Variants in ZNF486 observed in about 807,000 individuals in gnomAD.
ZNF486 encodes the protein zinc finger protein 486.
In ZNF486, 12 loss-of-function variants were observed where a neutral mutation model predicts 12.8. The observed-to-expected ratio is 0.94, with a 90% confidence interval of 0.60 to 1.52. The LOEUF (loss-of-function observed/expected upper bound fraction) is 1.52, where lower values mean the gene tolerates loss of function less well. Among genes scored for constraint, ZNF486 ranks in the 40% most tolerant of loss-of-function variants. The pLI, the probability that ZNF486 is intolerant of heterozygous loss-of-function variation, is 0.00. For synonymous variants in ZNF486, 231 were observed against 184.9 expected, an observed-to-expected ratio of 1.25 and a Z score of -2.02; for missense variants, 738 against 545.0, an observed-to-expected ratio of 1.35 and a Z score of -3.53.
intron 1 of ZNF486, among the ~76,000 whole-genome samples, chr19:20,174,836 C>G (rs573390903): frequency 6.6e-6 from 1 of 152,120 alleles, no homozygotes; most frequent in Non-Finnish European, 1.5e-5. Flanking sequence ...TATATTATGA[C>G]TAGTGAGTAA....
At position 20,190,654 on chromosome 19, in the gene ZNF486, G is replaced by C. The variant is rs527477108; in HGVS notation, c.253+4572G>C. Among the ~76,000 whole-genome samples, 7 of 152,284 alleles carry C rather than the reference G, an allele frequency of 4.6e-5. No individual in the cohort carries two copies. In the East Asian group the frequency reaches 7.7e-4, roughly 17 times the overall value. On this transcript the variant is annotated intron_variant, in intron 3 of 3. Coordinates refer to ENST00000335117, the MANE Select transcript of ZNF486 (RefSeq NM_052852.4). Reference sequence around the variant, plus strand: ...CTTACCTAGGTCTCCCAAAGTGTTAGGGTTATAGGCAAGAGCCACTGCACC... The same window carrying C: ...CTTACCTAGGTCTCCCAAAGTGTTACGGTTATAGGCAAGAGCCACTGCACC...
intron 1 of ZNF486, among the ~76,000 whole-genome samples, chr19:20,181,306 A>G (rs982952347): frequency 4.6e-5 from 7 of 152,134 alleles, no homozygotes; most frequent in South Asian, 2.1e-4. Context: ...TTGGGAGGCC[A>G]AGGCGGGCAG....
intron 1 of ZNF486, among the ~76,000 whole-genome samples, chr19:20,179,813 G>C (rs564709709): frequency 6.6e-6 from 1 of 152,344 alleles, no homozygotes; most frequent in African/African-American, 2.4e-5. Context: ...GAGGCTCCAG[G>C]AGGAAATAGA....
chr19:20,167,390 A>T, intron 1 of ZNF486, 30 bp downstream of exon 1: 1 of 1,610,588 alleles, frequency 6.2e-7, no homozygotes, highest in Non-Finnish European at 8.5e-7. Flanking sequence ...ATCCTGAGAG[A>T]GGGGAGGGAC....
Position 20,197,842 on chromosome 19 carries a change from T to A in ZNF486, c.1132T>A (p.Tyr378Asn), listed in dbSNP as rs375607146. ...HKIIHTGEKP[Y>N]KCEECGKAFT... ...GATAATTCATACTGGAGAGAAACCA[T>A]ACAAATGTGAAGAATGTGGCAAAGC... The change falls in exon 4 of 4, where the codon TAC becomes AAC. Residue 378 changes from tyrosine (Y) to asparagine (N), a missense_variant. Transcript: ENST00000335117. The A allele has an allele frequency of 6.2e-7, 1 of 1,613,320 alleles. No individual in the cohort carries two copies. Among genetic ancestry groups the A allele is most frequent in the Non-Finnish European group, 8.5e-7 (1 of 1,179,940 alleles).
chr19:20,193,041 CT>C lies in ZNF486; in HGVS notation c.254-3918del, dbSNP rs546840630. ...ATTTTGTACTGGCATGCTTTCATTACTTTTTATCTTCTTTTGCATACTTTCT... is the reference window on the plus strand; with the variant it reads ...ATTTTGTACTGGCATGCTTTCATTACTTTTATCTTCTTTTGCATACTTTCT... On this transcript the variant is annotated intron_variant, in intron 3 of 3. Transcript: ENST00000335117. 2.0e-5 allele frequency among the ~76,000 whole-genome samples: 3 copies of C among 150,620 alleles called. No homozygotes were observed. The South Asian group carries it at 6.3e-4, about 31-fold the overall frequency.
chr19:20,198,869 G>C lies in ZNF486; in HGVS notation c.*767G>C, dbSNP rs1555718516. On this transcript the variant is annotated 3_prime_UTR_variant, in exon 4 of 4. Transcript: ENST00000335117. ...ACATGGCGATAATTCATGGTGAAGAGGAACTTTACAAACCTGAAAGATGTG... is the reference window on the plus strand; with the variant it reads ...ACATGGCGATAATTCATGGTGAAGACGAACTTTACAAACCTGAAAGATGTG... 1 of 152,396 alleles carries C rather than the reference G, an allele frequency of 6.6e-6. No individual in the cohort carries two copies. Among genetic ancestry groups the C allele is most frequent in the Non-Finnish European group, 1.5e-5 (1 of 68,038 alleles). The allele number at this position is 152,396 out of a possible 1,614,324, so 9.4% of individuals were successfully genotyped here.
chr19:20,169,469 C>T (rs782341226), intron 1 of ZNF486, among the ~76,000 whole-genome samples: 4 of 152,132 alleles, frequency 2.6e-5, no homozygotes, highest in African/African-American at 4.8e-5. Flanking sequence ...GCAGATGTCC[C>T]AGCCTGCTCA....
At chr19:20,195,460 C>G (rs1443555935) in intron 3 of ZNF486, among the ~76,000 whole-genome samples, 1 of 152,148 alleles carries the variant, frequency 6.6e-6, no homozygotes, top group Non-Finnish European at 1.5e-5. Flanking sequence ...GAGCCACCAA[C>G]AGTGGGATGT....
rs534268787 is a variant in ZNF486, at chr19:20,190,512, C to G, written c.253+4430C>G. Among the ~76,000 whole-genome samples, 8 of 152,230 alleles carry G rather than the reference C, an allele frequency of 5.3e-5. No individual in the cohort carries two copies. The East Asian group carries it at 1.4e-3, about 26-fold the overall frequency. ...TGATCCTTTCACCTCTGTTTTCTGA[C>G]CAGCTTGGACTACAGACATGTACTA... is the stretch of plus-strand genomic sequence containing the variant. On this transcript the variant is annotated intron_variant, in intron 3 of 3. Coordinates refer to ENST00000335117, the MANE Select transcript of ZNF486 (RefSeq NM_052852.4).
At chr19:20,171,046 G>A (rs1173574205) in intron 1 of ZNF486, among the ~76,000 whole-genome samples, 5 of 152,206 alleles carry the variant, frequency 3.3e-5, no homozygotes, top group African/African-American at 1.2e-4. Flanking sequence ...AATGTTGTGG[G>A]ACCGAGGGTC....
intron 1 of ZNF486, chr19:20,176,877 T>C (rs2122640370): frequency 6.6e-6 from 1 of 152,406 alleles, no homozygotes; most frequent in East Asian, 1.9e-4. Context: ...CCATGATTTC[T>C]GATTAAGCTA....
intron 3 of ZNF486, among the ~76,000 whole-genome samples, chr19:20,186,412 G>A (rs114042824): frequency 0.013 from 1,951 of 152,178 alleles, 42 homozygotes; most frequent in African/African-American, 0.044. Flanking sequence ...AAATATCTGC[G>A]TGATTTTGAG....
rs782783653 is a variant in ZNF486, at chr19:20,197,754, A to T, written c.1044A>T (p.Lys348Asn). The T allele has an allele frequency of 3.1e-6, 5 of 1,613,794 alleles. No individual in the cohort carries two copies. The highest frequency in any genetic ancestry group is 4.2e-6 in the Non-Finnish European group (5 of 1,179,932). Reference sequence around the variant, plus strand: ...ATGAGAAGATTCATACGGGAGAGAAACCCTACAAATGTGAAGAATGTGGCA... The same window carrying T: ...ATGAGAAGATTCATACGGGAGAGAATCCCTACAAATGTGAAGAATGTGGCA... ...SKHEKIHTGEKPYKCEECGKA... is the reference protein window; with the variant it reads ...SKHEKIHTGENPYKCEECGKA... Residue 348 changes from lysine (K) to asparagine (N), a missense_variant, in exon 4 of 4, where the codon AAA (lysine) becomes AAT (asparagine). Coordinates refer to ENST00000335117, the MANE Select transcript of ZNF486 (RefSeq NM_052852.4).
intron 2 of ZNF486, 69 bp downstream of exon 2, chr19:20,184,551 A>G (rs536264486): frequency 1.3e-6 from 2 of 1,488,896 alleles, no homozygotes; most frequent in African/African-American, 1.4e-5. Flanking sequence ...TTGCAGAATG[A>G]TTTTAGTAAT....
chr19:20,197,866 G>C lies in ZNF486; in HGVS notation c.1156G>C (p.Ala386Pro). ...ATACAAATGTGAAGAATGTGGCAAAGCCTTTACATGGTCTGCAGGCCTCCA... is the reference window on the plus strand; with the variant it reads ...ATACAAATGTGAAGAATGTGGCAAACCCTTTACATGGTCTGCAGGCCTCCA... ...KPYKCEECGKAFTWSAGLHKH... is the reference protein window; with the variant it reads ...KPYKCEECGKPFTWSAGLHKH... Residue 386 changes from alanine (A) to proline (P), a missense_variant, in exon 4 of 4, where the codon GCC becomes CCC. Transcript: ENST00000335117. 1 of 1,613,320 alleles carries C rather than the reference G, an allele frequency of 6.2e-7. No homozygotes were observed. The highest frequency in any genetic ancestry group is 1.3e-5 in the African/African-American group (1 of 74,708).
chr19:20,173,209 G>A (rs836891), intron 1 of ZNF486, among the ~76,000 whole-genome samples: 26,340 of 152,082 alleles, frequency 0.17, 2,764 homozygotes, highest in East Asian at 0.47. Context: ...TTACATTTAA[G>A]TCTTTAATTT....
At chr19:20,189,641 A>T (rs1555716930) in intron 3 of ZNF486, among the ~76,000 whole-genome samples, 2 of 152,018 alleles carry the variant, frequency 1.3e-5, no homozygotes. Context: ...TAGTTTTTTG[A>T]TGAAAAATCT....
At chr19:20,181,963 G>A (rs2089792198) in intron 1 of ZNF486, among the ~76,000 whole-genome samples, 2 of 152,274 alleles carry the variant, frequency 1.3e-5, no homozygotes, top group African/African-American at 4.8e-5. Flanking sequence ...CAAAGTACCT[G>A]CTTAATAAAC....
Sources: gnomAD v4.1 joint callset for allele counts (sites outside exome capture counted in the v4.1 genomes callset) on GRCh38, gnomAD v4.1.1 for gene constraint, MANE v1.5 for transcripts, NCBI Gene and HGNC (gene_info 2026-07-23, HGNC 2026-07-21) for gene names.